The following TEX11 variants were observed in gnomAD, a reference collection of about 807,000 sequenced individuals.
TEX11 encodes the protein testis expressed 11.
Under a neutral mutation model 84.4 loss-of-function variants are expected in TEX11, and 7 were observed. That is an observed-to-expected ratio of 0.08 (90% CI 0.05 to 0.16). TEX11 has a LOEUF of 0.16. TEX11 is among the 10% of genes least tolerant of loss of function. TEX11 has a pLI of 1.00. For missense variants in TEX11, 551 were observed against 660.5 expected, an observed-to-expected ratio of 0.83 and a Z score of 1.82; for synonymous variants, 264 against 222.8, an observed-to-expected ratio of 1.18 and a Z score of -1.64.
chrX:70,825,429 A>G (rs1158258232), intron 8 of TEX11, among the ~76,000 whole-genome samples: 1 of 110,040 alleles, frequency 9.1e-6, no homozygotes, highest in East Asian at 2.8e-4. Flanking sequence ...AGAAAAGACA[A>G]TCATAGAAAG....
At chrX:70,573,264 A>G (rs747696324) in intron 25 of TEX11, among the ~76,000 whole-genome samples, 1 of 111,644 alleles carries the variant, frequency 9.0e-6, no homozygotes, top group South Asian at 3.8e-4. Flanking sequence ...AAGGCTTTGG[A>G]TTGCATCATT....
In TEX11 at chrX:70,669,030, C is replaced by T. The variant is rs367595642; in HGVS notation, c.1380+1347G>A. ...ACCACCTGTGTGCCTGACTTACGGACTATTTCCAACATTTAGATTTCTCTC... is the reference window on the plus strand; with the variant it reads ...ACCACCTGTGTGCCTGACTTACGGATTATTTCCAACATTTAGATTTCTCTC... On this transcript the variant is annotated intron_variant, in intron 16 of 29. Coordinates refer to ENST00000374333, the MANE Select transcript of TEX11 (RefSeq NM_031276.3). Among the ~76,000 whole-genome samples, 20 of 112,306 alleles carry T rather than the reference C, an allele frequency of 1.8e-4. No individual in the cohort carries two copies. The East Asian group carries it at 3.1e-3, about 17-fold the overall frequency.
At chrX:70,730,161 C>A (rs1358168370) in intron 11 of TEX11, among the ~76,000 whole-genome samples, 5 of 111,788 alleles carry the variant, frequency 4.5e-5, no homozygotes, top group African/African-American at 1.6e-4. Flanking sequence ...GAAAGAAGCA[C>A]TAAACATGGA....
At chrX:70,518,583 T>C in the TEX11 span, among the ~76,000 whole-genome samples, 2 of 112,029 alleles carry the variant, frequency 1.8e-5, no homozygotes, top group Admixed American at 1.9e-4. Context: ...GTGGTGCTGA[T>C]AAGAATGTAT....
chrX:70,543,684 G>A (rs183350762), intron 28 of TEX11, among the ~76,000 whole-genome samples: 150 of 112,245 alleles, frequency 1.3e-3, no homozygotes, highest in Non-Finnish European at 2.3e-3. Flanking sequence ...GCTTTGGTAA[G>A]TCAATGCTAG....
At chrX:70,743,949 G>A (rs1376221705) in intron 10 of TEX11, among the ~76,000 whole-genome samples, 1 of 107,128 alleles carries the variant, frequency 9.3e-6, no homozygotes, top group East Asian at 2.9e-4. Context: ...CCCAAACATT[G>A]TTCAAAGCAC....
intron 25 of TEX11, among the ~76,000 whole-genome samples, chrX:70,584,050 C>T (rs937514310): frequency 7.3e-5 from 8 of 109,614 alleles, no homozygotes; most frequent in African/African-American, 1.7e-4. Context: ...GAGGCCGAGG[C>T]GGGTGGATCA....
At chrX:70,570,303 G>A (rs759252913) in intron 25 of TEX11, among the ~76,000 whole-genome samples, 8 of 112,003 alleles carry the variant, frequency 7.1e-5, no homozygotes, top group East Asian at 2.8e-4. Flanking sequence ...TCCAGGTGCC[G>A]TCTGTCACCC....
At chrX:70,839,709 T>C (rs781276304) in intron 7 of TEX11, among the ~76,000 whole-genome samples, 2 of 110,554 alleles carry the variant, frequency 1.8e-5, no homozygotes, top group Non-Finnish European at 3.8e-5. Context: ...AGGAGGAAAT[T>C]CGAACCAATA....
chrX:70,737,022 A>G (rs1013049490), intron 11 of TEX11, among the ~76,000 whole-genome samples: 8 of 111,652 alleles, frequency 7.2e-5, no homozygotes, highest in Non-Finnish European at 1.5e-4. Flanking sequence ...AAAACAATCA[A>G]TAATGGGGAG....
chrX:70,863,638 GC>G (rs1272739434), intron 4 of TEX11, among the ~76,000 whole-genome samples: 1 of 111,875 alleles, frequency 8.9e-6, no homozygotes, highest in Non-Finnish European at 1.9e-5. Flanking sequence ...GTGCAAAAAT[GC>G]TGAAAATTCC....
chrX:70,853,174 A>G, intron 6 of TEX11, 21 bp from the exon 7 acceptor site: 1 of 1,209,718 alleles, frequency 8.3e-7, no homozygotes, highest in Non-Finnish European at 1.1e-6. Context: ...AACCCACAGT[A>G]CAATGTAACA....
intron 13 of TEX11, among the ~76,000 whole-genome samples, chrX:70,703,122 C>T (rs2090339746): frequency 9.0e-6 from 1 of 111,392 alleles, no homozygotes; most frequent in Non-Finnish European, 1.9e-5. Flanking sequence ...AAGTTAAAAA[C>T]TTACCTAAAG....
rs748494527 is a variant in TEX11 at position 70,730,325 on chromosome X, G to A, written c.844-4982C>T. Among the ~76,000 whole-genome samples, 11 of 111,669 alleles carry A rather than the reference G, an allele frequency of 9.9e-5. No individual in the cohort carries two copies. The East Asian group carries it at 2.5e-3, about 26-fold the overall frequency. ...CAACATTAACCTTACATGTTAATGC[G>A]CTAAATGCTCCAATTAAAAGACACA... On this transcript the variant is annotated intron_variant, in intron 11 of 29. Transcript: ENST00000374333.
chrX:70,515,323 G>C, the TEX11 span, among the ~76,000 whole-genome samples: 10 of 89,323 alleles, frequency 1.1e-4, no homozygotes, highest in Admixed American at 1.4e-3. Flanking sequence ...CACTGTGTCC[G>C]AGTCTTCTCA....
intron 11 of TEX11, among the ~76,000 whole-genome samples, chrX:70,737,118 C>T (rs771578013): frequency 9.0e-6 from 1 of 110,570 alleles, no homozygotes; most frequent in Non-Finnish European, 1.9e-5. Flanking sequence ...AACTGTATTT[C>T]GTATGCTCAA....
intron 25 of TEX11, among the ~76,000 whole-genome samples, chrX:70,584,403 A>C (rs2088825247): frequency 8.9e-6 from 1 of 112,536 alleles, no homozygotes; most frequent in Non-Finnish European, 1.9e-5. Flanking sequence ...TAAATAAGTA[A>C]TTTAAAACCT....
intron 9 of TEX11, among the ~76,000 whole-genome samples, chrX:70,776,201 T>C (rs1240158647): frequency 9.0e-6 from 1 of 111,242 alleles, no homozygotes; most frequent in Non-Finnish European, 1.9e-5. Context: ...AAAAAATATG[T>C]AATCAACCTA....
intron 28 of TEX11, among the ~76,000 whole-genome samples, chrX:70,539,341 T>C (rs2088010983): frequency 9.1e-6 from 1 of 110,039 alleles, no homozygotes; most frequent in Admixed American, 9.9e-5. Context: ...GCCGGAAGTA[T>C]AGTTAAAACG....
Sources: gnomAD v4.1 joint callset for allele counts (sites outside exome capture counted in the v4.1 genomes callset) on GRCh38, gnomAD v4.1.1 for gene constraint, MANE v1.5 for transcripts, NCBI Gene and HGNC (gene_info 2026-07-23, HGNC 2026-07-21) for gene names.